The following CIT variants were observed in gnomAD, a reference collection of about 807,000 sequenced individuals.
CIT encodes citron Rho-interacting kinase.
CIT carries 79 observed loss-of-function variants against 272.7 expected under a neutral mutation model. The ratio of observed to expected loss-of-function variants is 0.29; its 90% CI spans 0.24 to 0.35. The LOEUF is 0.35. Among genes scored for constraint, CIT ranks in the 10% least tolerant of loss-of-function variants. CIT has a pLI of 1.00. For synonymous variants in CIT, 948 were observed against 995.6 expected (o/e 0.95, Z 0.90); for missense variants, 1,909 against 2,618.3 (o/e 0.73, Z 5.91).
At chr12:119,775,731 T>G (rs1963684928) in intron 16 of CIT, 55 bp downstream of exon 16, 3 of 1,353,760 alleles carry the variant, frequency 2.2e-6, no homozygotes, top group Admixed American at 3.4e-5. Flanking sequence ...AAGGCAAAGA[T>G]GTTTGGAAAG....
At chr12:119,695,655 G>A (rs1265804983) in intron 46 of CIT, among the ~76,000 whole-genome samples, 1 of 152,100 alleles carries the variant, frequency 6.6e-6, no homozygotes, top group Non-Finnish European at 1.5e-5. Context: ...AATTAGCTGG[G>A]TGTGGTGGCA....
chr12:119,819,058 G>A lies in CIT; in HGVS notation c.1111+3762C>T, dbSNP rs575108854. Among the ~76,000 whole-genome samples the A allele has an allele frequency of 1.2e-3, 180 of 152,256 alleles. 1 individual carries two copies. Among genetic ancestry groups the A allele is most frequent in the African/African-American group, 3.8e-3 (156 of 41,544 alleles). On this transcript the variant is annotated intron_variant, in intron 9 of 47. Transcript: ENST00000392521. The stretch of plus-strand genomic sequence containing the variant: ...ATCAGGCTGGGTACAGCCAGAATCC[G>A]GCCCAGCATCTGAAACATCGCCGGA...
intron 30 of CIT, 143 bp from the exon 31 acceptor site, chr12:119,719,004 A>G: frequency 1.3e-6 from 1 of 787,008 alleles, no homozygotes; most frequent in Non-Finnish European, 2.0e-6. Context: ...TGGCATGTGA[A>G]GGGGGGGAAG....
intron 10 of CIT, among the ~76,000 whole-genome samples, chr12:119,788,238 A>G (rs1254226230): frequency 6.6e-6 from 1 of 152,216 alleles, no homozygotes; most frequent in Non-Finnish European, 1.5e-5. Context: ...TAGCCAACAC[A>G]CACACACTCT....
In CIT at chr12:119,697,717, C is replaced by T; in HGVS notation, c.5824G>A (p.Gly1942Arg). 1 of 1,614,160 alleles carries T rather than the reference C, an allele frequency of 6.2e-7. No homozygotes were observed. Among genetic ancestry groups the T allele is most frequent in the Non-Finnish European group, 8.5e-7 (1 of 1,180,040 alleles). The change falls in exon 46 of 48, where the codon GGA becomes AGA. Residue 1942 changes from glycine to arginine, a missense_variant. Coordinates refer to ENST00000392521, the MANE Select transcript of CIT (RefSeq NM_001206999.2). The surrounding 1 kb of genome is among the most constrained non-coding windows in gnomAD (Gnocchi z 4.9). ...GTGCCGGACTCCTTCACGAGGTTTC[C>T]CTTGCAGCAAATGACCCTTAATTTA... is the stretch of plus-strand genomic sequence containing the variant. ...QDKLRVICCK[G>R]NLVKESGTEH... is the part of the protein sequence containing the mutation.
intron 7 of CIT, among the ~76,000 whole-genome samples, chr12:119,826,612 C>T (rs1042402794): frequency 1.3e-5 from 2 of 152,200 alleles, no homozygotes; most frequent in African/African-American, 4.8e-5. Context: ...GATTCCTTCT[C>T]TAACTTTTCT....
intron 9 of CIT, among the ~76,000 whole-genome samples, chr12:119,819,279 A>G (rs1967476538): frequency 1.3e-5 from 2 of 152,180 alleles, no homozygotes; most frequent in African/African-American, 4.8e-5. Flanking sequence ...GACTTGCTGG[A>G]AGAATAAGTA....
chr12:119,738,025 C>T (rs1408407026), intron 24 of CIT, among the ~76,000 whole-genome samples: 1 of 152,152 alleles, frequency 6.6e-6, no homozygotes, highest in African/African-American at 2.4e-5. Flanking sequence ...AGGCAATGTT[C>T]ACTACTGTCC....
At chr12:119,866,005 T>C (rs1268512298) in intron 3 of CIT, among the ~76,000 whole-genome samples, 2 of 152,126 alleles carry the variant, frequency 1.3e-5, no homozygotes, top group East Asian at 3.9e-4. Flanking sequence ...CCGGCTCCTT[T>C]GCATAACCAC....
chr12:119,713,936 A>AG lies in CIT; in HGVS notation c.4306+260dup, dbSNP rs920554069. ...TTTCAGTTGGAGTCAGCGGAAAGGT[A>AG]GGGAGAGACCAGCCTGACAAAAAGG... is the stretch of plus-strand genomic sequence containing the variant. On this transcript the variant is annotated intron_variant, in intron 33 of 47. Coordinates refer to ENST00000392521, the MANE Select transcript of CIT (RefSeq NM_001206999.2). This position sits in a 1 kb window ranked among gnomAD's most constrained non-coding sequence, Gnocchi z 5.2. The AG allele has an allele frequency of 4.9e-6, 3 of 606,178 alleles. No individual in the cohort carries two copies. The highest frequency in any genetic ancestry group is 8.7e-6 in the Non-Finnish European group (3 of 343,970). The allele number at this position is 606,178 out of a possible 1,614,324, so 37.5% of individuals were successfully genotyped here.
intron 22 of CIT, 46 bp from the exon 23 acceptor site, chr12:119,752,293 T>C: frequency 6.5e-7 from 1 of 1,527,816 alleles, no homozygotes; most frequent in Non-Finnish European, 8.8e-7. Context: ...CCTTGCTTGG[T>C]CTGAACAAAA....
chr12:119,822,538 C>G (rs1358244272), intron 9 of CIT, among the ~76,000 whole-genome samples: 1 of 152,170 alleles, frequency 6.6e-6, no homozygotes, highest in Non-Finnish European at 1.5e-5. Flanking sequence ...AAGTGACAAC[C>G]TTCAAACTCC....
chr12:119,776,966 A>G (rs1043351192), intron 13 of CIT, 124 bp from the exon 14 acceptor site: 4 of 1,093,718 alleles, frequency 3.7e-6, no homozygotes, highest in Admixed American at 4.3e-5. Context: ...TGGCAAAGAA[A>G]AGACCTGGCC....
intron 7 of CIT, among the ~76,000 whole-genome samples, chr12:119,832,521 G>A (rs1968711268): frequency 6.6e-6 from 1 of 152,122 alleles, no homozygotes; most frequent in Non-Finnish European, 1.5e-5. Context: ...AACAAAATAA[G>A]CATTTTCCTT....
At chr12:119,814,511 C>T (rs989802750) in intron 9 of CIT, among the ~76,000 whole-genome samples, 9 of 152,152 alleles carry the variant, frequency 5.9e-5, no homozygotes, top group African/African-American at 1.7e-4. Context: ...CCCGTCCATG[C>T]TGATACTCCA....
chr12:119,690,281 T>G lies in CIT; in HGVS notation c.6056A>C (p.Glu2019Ala), dbSNP rs1593354101. 1 of 1,584,454 alleles carries G rather than the reference T, an allele frequency of 6.3e-7. No individual in the cohort carries two copies. Among genetic ancestry groups the G allele is most frequent in the Non-Finnish European group, 8.5e-7 (1 of 1,173,870 alleles). ...CATCCGGCCGGGGGACTTCTCTCGC[T>G]CCAGGGGGCGGCCAGGAGACTTGTC... Reference protein sequence around the residue: ...RRDKSPGRPLEREKSPGRMLS... With the variant: ...RRDKSPGRPLAREKSPGRMLS... The change falls in exon 47 of 48, where the codon GAG becomes GCG. Residue 2019 changes from glutamate to alanine, a missense_variant. Coordinates refer to ENST00000392521, the MANE Select transcript of CIT (RefSeq NM_001206999.2). This position sits in a 1 kb window ranked among gnomAD's most constrained non-coding sequence, Gnocchi z 6.0.
intron 17 of CIT, among the ~76,000 whole-genome samples, chr12:119,771,344 C>A (rs934852162): frequency 6.6e-6 from 1 of 151,988 alleles, no homozygotes; most frequent in African/African-American, 2.4e-5. Flanking sequence ...ATCAGAGAGG[C>A]GTGAGCTCTG....
At chr12:119,699,072 T>C (rs1374920331) in intron 44 of CIT, among the ~76,000 whole-genome samples, 2 of 152,044 alleles carry the variant, frequency 1.3e-5, no homozygotes, top group Non-Finnish European at 2.9e-5. Context: ...CTGGCCAACA[T>C]GGTGAAACCC....
chr12:119,834,578 C>G (rs999785121), intron 5 of CIT, among the ~76,000 whole-genome samples: 1 of 152,210 alleles, frequency 6.6e-6, no homozygotes, highest in Non-Finnish European at 1.5e-5. Context: ...TCCTAGAGGG[C>G]AACCACTCTT....
Sources: allele counts gnomAD v4.1 joint callset (sites outside exome capture counted in the v4.1 genomes callset), GRCh38; gene constraint gnomAD v4.1.1; non-coding constraint Gnocchi (gnomAD v3.1); transcripts MANE v1.5; gene names NCBI Gene and HGNC (gene_info 2026-07-23, HGNC 2026-07-21).